Variants in TTC27 observed in about 807,000 individuals in gnomAD.
The protein encoded by TTC27 is tetratricopeptide repeat domain 27.
Under a neutral mutation model 115.9 loss-of-function variants are expected in TTC27, and 79 were observed. That is an observed-to-expected ratio of 0.68 (90% CI 0.57 to 0.82). The LOEUF (loss-of-function observed/expected upper bound fraction) is 0.82, where lower values mean the gene tolerates loss of function less well. Ranked by LOEUF, TTC27 falls within the 40% of genes least tolerant of loss-of-function variation. TTC27 has a pLI of 0.00. For missense variants in TTC27, 1,054 were observed against 993.1 expected, an observed-to-expected ratio of 1.06 and a Z score of -0.82; for synonymous variants, 401 against 356.0, an observed-to-expected ratio of 1.13 and a Z score of -1.42.
At chr2:32,808,445 T>C (rs1035154683) in intron 16 of TTC27, among the ~76,000 whole-genome samples, 1 of 152,178 alleles carries the variant, frequency 6.6e-6, no homozygotes, top group African/African-American at 2.4e-5. Flanking sequence ...AAATTGGTTA[T>C]TGCCTCCCTC....
intron 16 of TTC27, among the ~76,000 whole-genome samples, chr2:32,808,212 G>C (rs1261699917): frequency 1.3e-5 from 2 of 152,012 alleles, no homozygotes; most frequent in African/African-American, 2.4e-5. Context: ...TGGGATTACA[G>C]GCGTGAGCCA....
chr2:32,704,229 C>G (rs1272421319), intron 10 of TTC27, among the ~76,000 whole-genome samples: 1 of 151,942 alleles, frequency 6.6e-6, no homozygotes, highest in Non-Finnish European at 1.5e-5. Flanking sequence ...CTCTGTTGCC[C>G]AGGTTGGAGT....
At position 32,664,290 on chromosome 2, in the gene TTC27, T is replaced by C. The variant is rs755536814; in HGVS notation, c.641-13T>C. 1.3e-6 allele frequency: 2 copies of C among 1,580,234 alleles called. No individual in the cohort carries two copies. The highest frequency in any genetic ancestry group is 1.4e-5 in the African/African-American group (1 of 73,302). On this transcript the variant is annotated splice_polypyrimidine_tract_variant and intron_variant, in intron 5 of 19. Coordinates refer to ENST00000317907, the MANE Select transcript of TTC27 (RefSeq NM_017735.5). ...TCATCATAACTTTTAATGTTTTATC[T>C]TTTGTCTTGCAGTGATGAAACTACA... is the stretch of plus-strand genomic sequence containing the variant.
In TTC27 at chr2:32,628,399, G is replaced by C. The variant is rs993021792; in HGVS notation, c.88+19G>C. The C allele has an allele frequency of 3.8e-6, 6 of 1,565,376 alleles. No individual in the cohort carries two copies. Among genetic ancestry groups the C allele is most frequent in the Non-Finnish European group, 5.2e-6 (6 of 1,159,108 alleles). On this transcript the variant is annotated intron_variant, in intron 1 of 19. Coordinates refer to ENST00000317907, the MANE Select transcript of TTC27 (RefSeq NM_017735.5). The stretch of plus-strand genomic sequence containing the variant: ...GGTTCAGGTGAGAGGCGCACCTACC[G>C]GGCCTTAGGCTATCGTGGGAACTGT...
At chr2:32,744,072 G>T (rs1668736228) in intron 12 of TTC27, among the ~76,000 whole-genome samples, 1 of 152,210 alleles carries the variant, frequency 6.6e-6, no homozygotes, top group Admixed American at 6.5e-5. Context: ...TACAAACACA[G>T]TTATAGTCCG....
chr2:32,750,176 G>A (rs1275042822), intron 12 of TTC27, among the ~76,000 whole-genome samples: 1 of 152,232 alleles, frequency 6.6e-6, no homozygotes, highest in Non-Finnish European at 1.5e-5. Flanking sequence ...ATGGGACCAT[G>A]AAGCAGGGGC....
intron 13 of TTC27, among the ~76,000 whole-genome samples, chr2:32,769,756 T>G (rs1339647860): frequency 6.6e-6 from 1 of 152,244 alleles, no homozygotes; most frequent in African/African-American, 2.4e-5. Context: ...ATTAAGCATC[T>G]ATATTCTAAG....
intron 4 of TTC27, among the ~76,000 whole-genome samples, chr2:32,642,247 A>ATTTTTTTTTTTTTTTTTTTTTTTTTTT (rs10634857): frequency 9.8e-6 from 1 of 102,154 alleles, no homozygotes; most frequent in Non-Finnish European, 1.8e-5. Flanking sequence ...TATACACTAA[A>ATTTTTTTTTTTTTTTTTTTTTTTTTTT]TTTTTTTTTT....
intron 12 of TTC27, among the ~76,000 whole-genome samples, chr2:32,740,021 G>T (rs906367712): frequency 6.6e-6 from 1 of 152,164 alleles, no homozygotes; most frequent in Admixed American, 6.5e-5. Flanking sequence ...GAAACTACCG[G>T]CATACATTCT....
chr2:32,743,186 T>C (rs3820919), intron 12 of TTC27, among the ~76,000 whole-genome samples: 53,090 of 151,742 alleles, frequency 0.35, 9,960 homozygotes, highest in Non-Finnish European at 0.41. Flanking sequence ...CAAGGTCAGA[T>C]AAGAACCACT....
chr2:32,783,857 A>G (rs1003844890), intron 15 of TTC27, among the ~76,000 whole-genome samples: 1 of 152,226 alleles, frequency 6.6e-6, no homozygotes, highest in African/African-American at 2.4e-5. Context: ...ATATATTTTC[A>G]TTTTTATTTG....
intron 8 of TTC27, among the ~76,000 whole-genome samples, chr2:32,677,132 G>A (rs2151887080): frequency 6.6e-6 from 1 of 152,050 alleles, no homozygotes; most frequent in South Asian, 2.1e-4. Flanking sequence ...TATAAAAGTG[G>A]TATCTTATAA....
intron 10 of TTC27, among the ~76,000 whole-genome samples, chr2:32,706,257 A>G (rs1667365375): frequency 6.7e-6 from 1 of 149,724 alleles, no homozygotes; most frequent in Non-Finnish European, 1.5e-5. Flanking sequence ...TAATTTTTGT[A>G]TTTTTAGTAG....
chr2:32,642,132 C>T (rs997835729), intron 4 of TTC27, among the ~76,000 whole-genome samples: 3 of 152,114 alleles, frequency 2.0e-5, no homozygotes, highest in Non-Finnish European at 2.9e-5. Context: ...GCTGGGATTA[C>T]AGGTGTGAGC....
chr2:32,738,563 A>G (rs747803571), intron 12 of TTC27, among the ~76,000 whole-genome samples: 1 of 152,198 alleles, frequency 6.6e-6, no homozygotes, highest in Non-Finnish European at 1.5e-5. Context: ...TGATAGCTAC[A>G]TTTAGGCCAC....
intron 19 of TTC27, among the ~76,000 whole-genome samples, chr2:32,820,256 A>G (rs561343996): frequency 6.6e-6 from 1 of 152,316 alleles, no homozygotes; most frequent in African/African-American, 2.4e-5. Context: ...AGGCATTTCC[A>G]AATGTTTTCA....
At chr2:32,628,540 C>T (rs2063529737) in intron 1 of TTC27, among the ~76,000 whole-genome samples, 160 bp downstream of exon 1, 1 of 152,090 alleles carries the variant, frequency 6.6e-6, no homozygotes, top group Non-Finnish European at 1.5e-5. Context: ...TGGGCGTGGT[C>T]CTCACTTTCT....
At chr2:32,724,996 GGAAACT>G (rs1385493616) in intron 10 of TTC27, among the ~76,000 whole-genome samples, 6 of 152,128 alleles carry the variant, frequency 3.9e-5, no homozygotes, top group African/African-American at 1.4e-4. Flanking sequence ...GCTTGCGCAG[GGAAACT>G]TCTCTTTATA....
At chr2:32,701,515 T>C (rs1286171639) in intron 9 of TTC27, among the ~76,000 whole-genome samples, 2 of 152,170 alleles carry the variant, frequency 1.3e-5, no homozygotes, top group Non-Finnish European at 1.5e-5. Flanking sequence ...ATTTAACCTG[T>C]TGGTGCTTCA....
Sources: gnomAD v4.1 joint callset for allele counts (sites outside exome capture counted in the v4.1 genomes callset) on GRCh38, gnomAD v4.1.1 for gene constraint, MANE v1.5 for transcripts, NCBI Gene and HGNC (gene_info 2026-07-23, HGNC 2026-07-21) for gene names.